The following PPP4R3B variants were observed in gnomAD, a reference collection of about 807,000 sequenced individuals.
PPP4R3B encodes the protein serine/threonine-protein phosphatase 4 regulatory subunit 3B.
Under a neutral mutation model 95.4 loss-of-function variants are expected in PPP4R3B, and 52 were observed. The ratio of observed to expected loss-of-function variants is 0.54; its 90% CI spans 0.44 to 0.69. The LOEUF (loss-of-function observed/expected upper bound fraction) is 0.69, where lower values mean the gene tolerates loss of function less well. PPP4R3B is among the 30% of genes least tolerant of loss of function. The pLI is 0.00. For synonymous variants in PPP4R3B, 407 were observed against 343.9 expected, an observed-to-expected ratio of 1.18 and a Z score of -2.03; for missense variants, 1,003 against 1,005.9, an observed-to-expected ratio of 1.00 and a Z score of 0.04.
intron 3 of PPP4R3B, among the ~76,000 whole-genome samples, chr2:55,601,978 A>T (rs544313356): frequency 6.6e-6 from 1 of 152,262 alleles, no homozygotes; most frequent in South Asian, 2.1e-4. Context: ...CTGGCCCTAC[A>T]GAATCATGGT....
At chr2:55,612,760 C>T (rs949218271) in intron 2 of PPP4R3B, among the ~76,000 whole-genome samples, 6 of 151,790 alleles carry the variant, frequency 4.0e-5, no homozygotes, top group African/African-American at 1.5e-4. Context: ...CTGGCTAACA[C>T]GGTGAAACCC....
rs1471401457 is a variant in PPP4R3B at position 55,603,832 on chromosome 2, T to C, written c.297+146A>G. The C allele has an allele frequency of 2.0e-4, 105 of 515,402 alleles. No homozygotes were observed. The East Asian group carries it at 3.2e-3, about 16-fold the overall frequency. 31.9% of individuals were successfully genotyped at this position (515,402 alleles called of 1,614,324 possible). On this transcript the variant is annotated intron_variant, in intron 3 of 16. Transcript: ENST00000616407. ...AAACTTAAAGTAAAATAATTTGCCG[T>C]AGAATATAAAAAATTTCAAGTTAGA...
intron 4 of PPP4R3B, chr2:55,591,666 G>A (rs1438374878): frequency 2.0e-6 from 2 of 984,486 alleles, no homozygotes; most frequent in Non-Finnish European, 2.4e-6. Flanking sequence ...CTTCTTATAT[G>A]ATTCGGTACT....
At chr2:55,577,507 A>G in intron 10 of PPP4R3B, 151 bp from the exon 11 acceptor site, 1 of 812,064 alleles carries the variant, frequency 1.2e-6, no homozygotes, top group Non-Finnish European at 1.6e-6. Context: ...CAGCAAAATT[A>G]TAACTATATC....
At chr2:55,553,635 C>T (rs201868204) in intron 16 of PPP4R3B, among the ~76,000 whole-genome samples, 2 of 152,068 alleles carry the variant, frequency 1.3e-5, no homozygotes, top group East Asian at 3.9e-4. Context: ...CAGCTCTTGG[C>T]AACCACTAAC....
intron 16 of PPP4R3B, among the ~76,000 whole-genome samples, chr2:55,554,945 T>A (rs563243552): frequency 2.0e-5 from 3 of 152,278 alleles, no homozygotes; most frequent in African/African-American, 7.2e-5. Flanking sequence ...GGATCTAACT[T>A]CATTCTTCTG....
intron 8 of PPP4R3B, 27 bp from the exon 9 acceptor site, chr2:55,579,808 A>T (rs531835559): frequency 1.4e-6 from 2 of 1,408,762 alleles, no homozygotes; most frequent in Admixed American, 3.7e-5. Context: ...TTTAAACAAT[A>T]CTGTTACTTA....
chr2:55,558,436 C>T (rs1048662243), intron 16 of PPP4R3B, among the ~76,000 whole-genome samples: 15 of 151,950 alleles, frequency 9.9e-5, no homozygotes, highest in Admixed American at 2.6e-4. Context: ...GGTGAAACCT[C>T]GTCTCTACTA....
rs955022418 is a variant in PPP4R3B at position 55,549,992 on chromosome 2, G to A, written c.2469C>T (p.Gly823=). 1.2e-6 allele frequency: 2 copies of A among 1,606,280 alleles called. No individual in the cohort carries two copies. The highest frequency in any genetic ancestry group is 1.6e-4 in the Middle Eastern group (1 of 6,068). Residue 823 remains glycine, a synonymous_variant, in exon 17 of 17, where the codon GGC becomes GGT. Coordinates refer to ENST00000616407, the MANE Select transcript of PPP4R3B (RefSeq NM_001122964.3). ...SVTATKGSLV[G]LVDYPDDEEE... is the part of the protein sequence containing the mutation. ...CTTCATCATCTGGATAATCCACTAA[G>A]CCAACCAAACTTCCCTATTGAAGAA...
At chr2:55,557,767 T>C (rs191375253) in intron 16 of PPP4R3B, among the ~76,000 whole-genome samples, 53 of 152,296 alleles carry the variant, frequency 3.5e-4, no homozygotes, top group African/African-American at 1.3e-3. Context: ...TATACAATAG[T>C]TGTCCCCTAT....
intron 11 of PPP4R3B, among the ~76,000 whole-genome samples, chr2:55,576,839 C>T (rs1688749456): frequency 6.6e-6 from 1 of 152,144 alleles, no homozygotes; most frequent in Non-Finnish European, 1.5e-5. Flanking sequence ...GAAACTGGCT[C>T]CCCTTTGAGA....
Position 55,549,114 on chromosome 2 carries a change from A to C in PPP4R3B, c.*797T>G, listed in dbSNP as rs1684978876. The C allele has an allele frequency of 6.6e-6, 1 of 152,268 alleles. No homozygotes were observed. The highest frequency in any genetic ancestry group is 2.4e-5 in the African/African-American group (1 of 41,472). The allele number at this position is 152,268 out of a possible 1,614,324, so 9.4% of individuals were successfully genotyped here. A position where few individuals can be genotyped will look rare whatever the true frequency, so the allele number is the denominator to read the frequency against. On this transcript the variant is annotated 3_prime_UTR_variant, in exon 17 of 17. Coordinates refer to ENST00000616407, the MANE Select transcript of PPP4R3B (RefSeq NM_001122964.3). ...AAAGTGATTTCAAAGTATCTTCCAC[A>C]AAAGATTGTACTGGTAGGCGGTTGA...
chr2:55,568,480 T>C, intron 12 of PPP4R3B, 117 bp from the exon 13 acceptor site: 1 of 795,962 alleles, frequency 1.3e-6, no homozygotes, highest in Non-Finnish European at 1.8e-6. Flanking sequence ...AGTAAAACTG[T>C]GTATAAAGTA....
At chr2:55,615,602 C>A in intron 1 of PPP4R3B, 96 bp from the exon 2 acceptor site, 1 of 786,166 alleles carries the variant, frequency 1.3e-6, no homozygotes, top group Admixed American at 2.6e-5. Flanking sequence ...TGGCTCACGT[C>A]TGTAATCCTA....
intron 12 of PPP4R3B, among the ~76,000 whole-genome samples, chr2:55,569,842 T>C (rs560526934): frequency 2.8e-4 from 42 of 152,264 alleles, no homozygotes; most frequent in Non-Finnish European, 4.7e-4. Context: ...CTCTCATCTC[T>C]GCACACGGGG....
chr2:55,572,187 A>G (rs1483556075), intron 12 of PPP4R3B, among the ~76,000 whole-genome samples: 9 of 151,848 alleles, frequency 5.9e-5, no homozygotes, highest in Non-Finnish European at 8.8e-5. Flanking sequence ...AAGATATTAG[A>G]AGAAAGTGAG....
intron 2 of PPP4R3B, among the ~76,000 whole-genome samples, chr2:55,605,706 G>T (rs1021880250): frequency 6.6e-6 from 1 of 152,100 alleles, no homozygotes; most frequent in Non-Finnish European, 1.5e-5. Flanking sequence ...AAGAGATGAA[G>T]ACCATCCTGG....
intron 2 of PPP4R3B, among the ~76,000 whole-genome samples, chr2:55,611,791 C>A (rs542103256): frequency 3.9e-5 from 6 of 152,126 alleles, no homozygotes; most frequent in Non-Finnish European, 5.9e-5. Flanking sequence ...TGCAGTGGTA[C>A]AATCATGGCT....
Position 55,615,516 on chromosome 2 carries a change from A to G in PPP4R3B, c.143-10T>C. 1 of 1,545,060 alleles carries G rather than the reference A, an allele frequency of 6.5e-7. No individual in the cohort carries two copies. Among genetic ancestry groups the G allele is most frequent in the Non-Finnish European group, 8.8e-7 (1 of 1,130,714 alleles). On this transcript the variant is annotated splice_polypyrimidine_tract_variant and intron_variant, in intron 1 of 16. Coordinates refer to ENST00000616407, the MANE Select transcript of PPP4R3B (RefSeq NM_001122964.3). The stretch of plus-strand genomic sequence containing the variant: ...TCCAAGAGTAGTGATCCTGAAAGAT[A>G]AAAAATAATACATCATAAGTCTCAA...
Sources: allele counts gnomAD v4.1 joint callset (sites outside exome capture counted in the v4.1 genomes callset), GRCh38; gene constraint gnomAD v4.1.1; transcripts MANE v1.5; gene names NCBI Gene and HGNC (gene_info 2026-07-23, HGNC 2026-07-21).